Variants in TICRR observed in about 807,000 individuals in gnomAD.
The protein encoded by TICRR is treslin.
Under a neutral mutation model 178.1 loss-of-function variants are expected in TICRR, and 132 were observed. The ratio of observed to expected loss-of-function variants is 0.74; its 90% CI spans 0.64 to 0.86. The LOEUF is 0.86. Among genes scored for constraint, TICRR ranks in the 40% least tolerant of loss-of-function variants. The pLI, the probability that TICRR is intolerant of heterozygous loss-of-function variation, is 0.00. For missense variants in TICRR, 2,587 were observed against 2,334.3 expected (o/e 1.11, Z -2.23); for synonymous variants, 991 against 900.7 (o/e 1.10, Z -1.79).
chr15:89,586,021 A>C, intron 4 of TICRR, 79 bp downstream of exon 4: 1 of 1,011,034 alleles, frequency 9.9e-7, no homozygotes, highest in Non-Finnish European at 1.5e-6. Context: ...TTCACTGTGC[A>C]GTTAGTAGAA....
Position 89,575,884 on chromosome 15 carries a change from A to C in TICRR, c.298A>C (p.Thr100Pro). The change falls in exon 1 of 22, where the codon ACG becomes CCG. Residue 100 changes from threonine to proline, a missense_variant. Transcript: ENST00000268138. Reference protein sequence around the residue: ...LPGPAPRATHTHGALMETLLD... With the variant: ...LPGPAPRATHPHGALMETLLD... ...CGGCCCGGCGCCCAGGGCCACCCAC[A>C]CGCACGGCGCCCTGATGGAGACGCT... 1.3e-6 allele frequency: 2 copies of C among 1,587,008 alleles called. No individual in the cohort carries two copies. Among genetic ancestry groups the C allele is most frequent in the Non-Finnish European group, 1.7e-6 (2 of 1,169,178 alleles).
Position 89,606,787 on chromosome 15 carries a change from C to T in TICRR, c.2684C>T (p.Pro895Leu). 1.2e-6 allele frequency: 2 copies of T among 1,613,786 alleles called. No homozygotes were observed. Among genetic ancestry groups the T allele is most frequent in the Non-Finnish European group, 1.7e-6 (2 of 1,179,836 alleles). ...ATKKENSHPAPQQPSQPVKDT... is the reference protein window; with the variant it reads ...ATKKENSHPALQQPSQPVKDT... ...TTTCAGGAGAACTCTCACCCTGCTC[C>T]TCAGCAGCCTTCCCAGCCAGTGAAA... Residue 895 changes from proline (P) to leucine (L), a missense_variant, in exon 14 of 22, where the codon CCT becomes CTT. Physicochemically the swap from Pro to Leu is moderately conservative, Grantham distance 98. Transcript: ENST00000268138.
rs1487285525 is a variant in TICRR, at chr15:89,627,515, A to G, written c.*429A>G. The G allele has an allele frequency of 2.3e-5, 4 of 177,332 alleles. No homozygotes were observed. Among genetic ancestry groups the G allele is most frequent in the Non-Finnish European group, 2.4e-5 (2 of 84,144 alleles). 11.0% of individuals were successfully genotyped at this position (177,332 alleles called of 1,614,324 possible). Reference sequence around the variant, plus strand: ...AGCGCTTTGTAAACTGTGAAGCCATATACGTGAAACTGAAGAGTGCATTGG... The same window carrying G: ...AGCGCTTTGTAAACTGTGAAGCCATGTACGTGAAACTGAAGAGTGCATTGG... On this transcript the variant is annotated 3_prime_UTR_variant, in exon 22 of 22. Coordinates refer to ENST00000268138, the MANE Select transcript of TICRR (RefSeq NM_152259.4).
chr15:89,592,279 A>C, intron 5 of TICRR, 103 bp downstream of exon 5: 1 of 940,716 alleles, frequency 1.1e-6, no homozygotes, highest in Non-Finnish European at 1.5e-6. Context: ...TAGTCTAATA[A>C]TATTAAAAAG....
At position 89,601,567 on chromosome 15, in the gene TICRR, T is replaced by C. The variant is rs756569855; in HGVS notation, c.2326T>C (p.Leu776=). Residue 776 remains leucine, a splice_region_variant and synonymous_variant, in exon 11 of 22, where the codon TTG becomes CTG. Coordinates refer to ENST00000268138, the MANE Select transcript of TICRR (RefSeq NM_152259.4). ...LAEFLEEILR[L]YIDSIPKTLG... ...AGAGTTTCTGGAGGAAATTTTGAGA[T>C]TGTAAGTTTGATGGTTACTAACTTA... The C allele has an allele frequency of 1.1e-5, 17 of 1,614,104 alleles. No homozygotes were observed. The highest frequency in any genetic ancestry group is 1.4e-5 in the Non-Finnish European group (16 of 1,179,936).
intron 19 of TICRR, among the ~76,000 whole-genome samples, chr15:89,622,600 G>C (rs547483267): frequency 7.8e-6 from 1 of 127,736 alleles, no homozygotes; most frequent in East Asian, 2.4e-4. Context: ...TAGAGCTCTG[G>C]AGAAGGGTCT....
At chr15:89,579,879 G>A (rs1442182452) in intron 1 of TICRR, 3 of 152,186 alleles carry the variant, frequency 2.0e-5, no homozygotes, top group East Asian at 1.9e-4. Context: ...CTCCATAACT[G>A]TAAGAAATAC....
In TICRR at chr15:89,616,362, A is replaced by G. The variant is rs370183777; in HGVS notation, c.2870-43A>G. On this transcript the variant is annotated intron_variant, in intron 15 of 21. Transcript: ENST00000268138. ...TTGGCCTTACTGCTGCTTCTTGATGAGGTTAAATGAAATTTATGATTTAAG... is the reference window on the plus strand; with the variant it reads ...TTGGCCTTACTGCTGCTTCTTGATGGGGTTAAATGAAATTTATGATTTAAG... 1.9e-4 allele frequency: 291 copies of G among 1,555,646 alleles called. 2 individuals carry two copies. In the African/African-American group the frequency reaches 3.7e-3, roughly 20 times the overall value.
chr15:89,605,408 G>A (rs1408550381), intron 13 of TICRR, among the ~76,000 whole-genome samples: 19 of 152,008 alleles, frequency 1.2e-4, no homozygotes, highest in Non-Finnish European at 1.3e-4. Context: ...TCCCTCTGTC[G>A]CCCAGGCTGG....
chr15:89,613,734 C>CTTTTTTTTTTTT (rs34162195), intron 15 of TICRR, among the ~76,000 whole-genome samples: 1 of 61,570 alleles, frequency 1.6e-5, no homozygotes, highest in Non-Finnish European at 3.0e-5. Context: ...TTTCTATTCG[C>CTTTTTTTTTTTT]TTTTTTTTTT....
At chr15:89,611,826 A>G (rs764378264) in intron 15 of TICRR, among the ~76,000 whole-genome samples, 11 of 151,674 alleles carry the variant, frequency 7.3e-5, no homozygotes, top group Admixed American at 1.3e-4. Flanking sequence ...TATCATTTCT[A>G]TTGCTTTATT....
intron 15 of TICRR, among the ~76,000 whole-genome samples, chr15:89,613,997 ACAAAAAATTAGC>A (rs1963295289): frequency 6.6e-6 from 1 of 151,828 alleles, no homozygotes; most frequent in South Asian, 2.1e-4. Context: ...TACTAAAAAT[ACAAAAAATTAGC>A]CGGGCGTGGT....
Position 89,601,788 on chromosome 15 carries a change from G to A in TICRR, c.2379G>A (p.Gly793=), listed in dbSNP as rs1963102899. The A allele has an allele frequency of 6.2e-7, 1 of 1,614,166 alleles. No homozygotes were observed. Among genetic ancestry groups the A allele is most frequent in the Non-Finnish European group, 8.5e-7 (1 of 1,180,022 alleles). The change falls in exon 12 of 22, where the codon GGG becomes GGA. Residue 793 remains glycine, a synonymous_variant. Transcript: ENST00000268138. ...KTLGNLYNSL[G]FVIPQKLAGV... ...TTGGAAATCTTTACAACAGCCTAGG[G>A]TTTGTGATTCCTCAGAAGCTGGCTG...
chr15:89,584,951 CTG>C (rs1244397448), intron 3 of TICRR, among the ~76,000 whole-genome samples: 1 of 152,070 alleles, frequency 6.6e-6, no homozygotes, highest in Non-Finnish European at 1.5e-5. Flanking sequence ...ATATAATTGT[CTG>C]TGTAACTCAG....
intron 1 of TICRR, chr15:89,579,899 C>T (rs1425499362): frequency 1.3e-5 from 2 of 152,210 alleles, no homozygotes; most frequent in Non-Finnish European, 2.9e-5. Flanking sequence ...CATTCCTTTT[C>T]TTTATAAATT....
At position 89,584,118 on chromosome 15, in the gene TICRR, A is replaced by G. The variant is rs565975907; in HGVS notation, c.935-168A>G. ...GAACTTGCTATGATGACTTGGCAGT[A>G]GAATAAGTGTTGAAGTGTTCAACTA... On this transcript the variant is annotated intron_variant, in intron 2 of 21. Transcript: ENST00000268138. Among the ~76,000 whole-genome samples, 22 of 152,374 alleles carry G rather than the reference A, an allele frequency of 1.4e-4. No homozygotes were observed. In the South Asian group the frequency reaches 2.9e-3, roughly 20 times the overall value.
chr15:89,604,575 G>C (rs1015584760), intron 13 of TICRR, among the ~76,000 whole-genome samples: 41 of 152,146 alleles, frequency 2.7e-4, no homozygotes, highest in African/African-American at 8.7e-4. Context: ...AGGAGTTGGA[G>C]ACCAGCCTAA....
chr15:89,601,046 A>G (rs1282557702), intron 9 of TICRR, among the ~76,000 whole-genome samples: 1 of 69,488 alleles, frequency 1.4e-5, no homozygotes, highest in African/African-American at 4.7e-5. Flanking sequence ...ACCCTGTCTC[A>G]GGAAAAAAAA....
chr15:89,625,224 G>A lies in TICRR; in HGVS notation c.4914G>A (p.Arg1638=), dbSNP rs759224785. The A allele has an allele frequency of 1.6e-5, 26 of 1,613,554 alleles. No homozygotes were observed. The highest frequency in any genetic ancestry group is 1.9e-5 in the Non-Finnish European group (23 of 1,179,838). ...CCCACAGCACACCTGGCAAGAGCAG[G>A]GGGCAAACCTACATCTGCCAGGCCT... ...RLSHSTPGKS[R]GQTYICQACT... is the part of the protein sequence containing the mutation. Residue 1638 remains arginine, a synonymous_variant, in exon 20 of 22, where the codon AGG becomes AGA. Transcript: ENST00000268138.
Sources: allele counts gnomAD v4.1 joint callset (sites outside exome capture counted in the v4.1 genomes callset), GRCh38; gene constraint gnomAD v4.1.1; transcripts MANE v1.5; gene names NCBI Gene and HGNC (gene_info 2026-07-23, HGNC 2026-07-21).